CDKN2B-AS1: variants seen among roughly 807,000 people sequenced by gnomAD.
The protein encoded by CDKN2B-AS1 is CDKN2B antisense RNA 1 (non-protein coding).
chr9:22,084,219 C>G (rs72652410), intron 4 of CDKN2B-AS1, among the ~76,000 whole-genome samples: 4 of 152,108 alleles, frequency 2.6e-5, no homozygotes, highest in Non-Finnish European at 4.4e-5. Context: ...AATTTGAGCC[C>G]AAGTCTCTTT....
At chr9:22,110,366 A>G in intron 4 of CDKN2B-AS1, among the ~76,000 whole-genome samples, 1 of 152,178 alleles carries the variant, frequency 6.6e-6, no homozygotes, top group South Asian at 2.1e-4. Context: ...TAAAGTTTGA[A>G]AACCATTAAG....
chr9:22,126,730 A>ACG (rs1219834826), intron 4 of CDKN2B-AS1, among the ~76,000 whole-genome samples: 7 of 151,746 alleles, frequency 4.6e-5, no homozygotes, highest in Admixed American at 1.3e-4. Flanking sequence ...CCGCCACTGC[A>ACG]CCCGGCTAAT....
At chr9:22,120,520 A>G (rs1826070505) in intron 4 of CDKN2B-AS1, 1 of 152,132 alleles carries the variant, frequency 6.6e-6, no homozygotes, top group South Asian at 2.1e-4. Context: ...AAATTGAAAT[A>G]CAGAAAGATG....
At chr9:22,065,466 C>A (rs1253714531) in intron 4 of CDKN2B-AS1, among the ~76,000 whole-genome samples, 1 of 152,172 alleles carries the variant, frequency 6.6e-6, no homozygotes, top group Non-Finnish European at 1.5e-5. Flanking sequence ...AAATATGATT[C>A]TAACCAAGAT....
rs1175266437 is a variant in CDKN2B-AS1 at position 22,016,039 on chromosome 9, G to T, written n.29+20878G>T. On this transcript the variant is annotated intron_variant and non_coding_transcript_variant, in intron 1 of 4. Transcript: ENST00000650946. Reference sequence around the variant, plus strand: ...GGTCGCGAAAATTTTCTCCCATTTTGTAGGTTGCCTGTTCACTCTGATGAT... The same window carrying T: ...GGTCGCGAAAATTTTCTCCCATTTTTTAGGTTGCCTGTTCACTCTGATGAT... Among the ~76,000 whole-genome samples, 10 of 152,114 alleles carry T rather than the reference G, an allele frequency of 6.6e-5. No individual in the cohort carries two copies. The South Asian group carries it at 2.1e-3, about 32-fold the overall frequency.
At chr9:22,098,988 C>T (rs1825386369) in intron 4 of CDKN2B-AS1, among the ~76,000 whole-genome samples, 1 of 152,126 alleles carries the variant, frequency 6.6e-6, no homozygotes, top group African/African-American at 2.4e-5. Flanking sequence ...ACAAAGAAGC[C>T]TAATACTAGG....
chr9:22,073,582 C>A (rs1000567225), intron 4 of CDKN2B-AS1, among the ~76,000 whole-genome samples: 1 of 152,102 alleles, frequency 6.6e-6, no homozygotes, highest in Non-Finnish European at 1.5e-5. Context: ...GAAATCTGCC[C>A]TCCAAAATAA....
At chr9:22,072,125 C>T (rs886383656) in intron 4 of CDKN2B-AS1, among the ~76,000 whole-genome samples, 1 of 152,108 alleles carries the variant, frequency 6.6e-6, no homozygotes, top group South Asian at 2.1e-4. Flanking sequence ...GGATCACAGG[C>T]CTTGAGAAGA....
At chr9:22,051,690 T>A (rs1183629054) in intron 3 of CDKN2B-AS1, among the ~76,000 whole-genome samples, 1 of 152,162 alleles carries the variant, frequency 6.6e-6, no homozygotes, top group Non-Finnish European at 1.5e-5. Flanking sequence ...AAACACTACT[T>A]AAGAAGGCCT....
intron 4 of CDKN2B-AS1, among the ~76,000 whole-genome samples, chr9:22,116,201 G>A (rs1224896675): frequency 6.6e-6 from 1 of 152,138 alleles, no homozygotes; most frequent in Non-Finnish European, 1.5e-5. Flanking sequence ...GAGACACAAG[G>A]TAGTCTGTAC....
chr9:22,082,739 C>G (rs1824740411), intron 4 of CDKN2B-AS1, among the ~76,000 whole-genome samples: 1 of 152,030 alleles, frequency 6.6e-6, no homozygotes, highest in South Asian at 2.1e-4. Context: ...TTGTGTTTAC[C>G]AACTTCATGT....
chr9:22,038,578 T>C (rs1399383456), intron 1 of CDKN2B-AS1, among the ~76,000 whole-genome samples: 1 of 152,018 alleles, frequency 6.6e-6, no homozygotes, highest in African/African-American at 2.4e-5. Flanking sequence ...TTTGAGCTCT[T>C]GCACTATAAT....
At chr9:22,049,358 T>C (rs1285286246) in intron 3 of CDKN2B-AS1, 1 of 152,220 alleles carries the variant, frequency 6.6e-6, no homozygotes, top group Non-Finnish European at 1.5e-5. Context: ...GAAGAGTTCT[T>C]TCCTACTCTG....
At chr9:22,018,625 C>A (rs966261106) in intron 1 of CDKN2B-AS1, among the ~76,000 whole-genome samples, 2 of 152,196 alleles carry the variant, frequency 1.3e-5, no homozygotes, top group Non-Finnish European at 2.9e-5. Context: ...TGCCGTCCAG[C>A]CTGGGTGACA....
At chr9:22,009,273 A>G in intron 1 of CDKN2B-AS1, 1 of 510,292 alleles carries the variant, frequency 2.0e-6, no homozygotes, top group Non-Finnish European at 3.5e-6. Flanking sequence ...CGCGTCGCGG[A>G]GTCCTCACTG....
chr9:22,111,954 T>A (rs1250586879), intron 4 of CDKN2B-AS1: 1 of 152,166 alleles, frequency 6.6e-6, no homozygotes, highest in Non-Finnish European at 1.5e-5. Context: ...ATGAAAGGAA[T>A]AAAAATGGAA....
intron 4 of CDKN2B-AS1, among the ~76,000 whole-genome samples, chr9:22,109,090 T>G (rs1214482030): frequency 1.3e-5 from 2 of 152,184 alleles, no homozygotes; most frequent in African/African-American, 2.4e-5. Flanking sequence ...TAACATTTTC[T>G]AAGCATTACA....
At chr9:22,040,295 C>T (rs1822847688) in intron 1 of CDKN2B-AS1, among the ~76,000 whole-genome samples, 2 of 151,040 alleles carry the variant, frequency 1.3e-5, no homozygotes, top group African/African-American at 4.9e-5. Context: ...CATCTATATA[C>T]AAATTAGGAA....
chr9:22,025,376 A>G (rs1425521011), intron 1 of CDKN2B-AS1, among the ~76,000 whole-genome samples: 1 of 152,122 alleles, frequency 6.6e-6, no homozygotes, highest in East Asian at 1.9e-4. Flanking sequence ...TATTAGTCAG[A>G]GGGTAGCAAG....
Sources: gnomAD v4.1 joint callset for allele counts (sites outside exome capture counted in the v4.1 genomes callset) on GRCh38, gnomAD v4.1.1 for gene constraint, MANE v1.5 for transcripts, NCBI Gene and HGNC (gene_info 2026-07-23, HGNC 2026-07-21) for gene names.